Variants in SGCE observed in about 807,000 individuals in gnomAD.
SGCE encodes sarcoglycan epsilon, also known as epsilon-sarcoglycan.
Under a neutral mutation model 57.8 loss-of-function variants are expected in SGCE, and 26 were observed. The ratio of observed to expected loss-of-function variants is 0.45; its 90% CI spans 0.33 to 0.62. The LOEUF (loss-of-function observed/expected upper bound fraction) is 0.62, where lower values mean the gene tolerates loss of function less well. Among genes scored for constraint, SGCE ranks in the 20% least tolerant of loss-of-function variants. The pLI is 0.02. For missense variants in SGCE, 468 were observed against 548.6 expected, an observed-to-expected ratio of 0.85 and a Z score of 1.47; for synonymous variants, 183 against 189.5, an observed-to-expected ratio of 0.97 and a Z score of 0.28.
At chr7:94,610,513 A>G (rs1394007523) in intron 5 of SGCE, among the ~76,000 whole-genome samples, 1 of 152,194 alleles carries the variant, frequency 6.6e-6, no homozygotes, top group African/African-American at 2.4e-5. Context: ...AAAATAGTAT[A>G]CGCACAAAAA....
chr7:94,615,381 GATA>G (rs2116853588), intron 5 of SGCE, among the ~76,000 whole-genome samples: 2 of 135,926 alleles, frequency 1.5e-5, no homozygotes, highest in South Asian at 5.0e-4. Flanking sequence ...TAGATAGATA[GATA>G]GATAGATAGA....
chr7:94,605,572 A>G (rs1472995816), intron 5 of SGCE, among the ~76,000 whole-genome samples: 1 of 152,108 alleles, frequency 6.6e-6, no homozygotes, highest in Non-Finnish European at 1.5e-5. Flanking sequence ...AGATACCTGC[A>G]ATACCTAGGA....
At chr7:94,632,898 G>C (rs1322105361) in intron 1 of SGCE, among the ~76,000 whole-genome samples, 1 of 152,056 alleles carries the variant, frequency 6.6e-6, no homozygotes, top group African/African-American at 2.4e-5. Flanking sequence ...AACACCTACA[G>C]AGGCTATTAC....
At chr7:94,640,197 T>C (rs1806179201) in intron 1 of SGCE, among the ~76,000 whole-genome samples, 1 of 152,192 alleles carries the variant, frequency 6.6e-6, no homozygotes, top group Non-Finnish European at 1.5e-5. Flanking sequence ...TCAGGATATG[T>C]TAAACTTAGG....
At chr7:94,625,210 CTT>C (rs1245304464) in intron 3 of SGCE, 3 of 151,770 alleles carry the variant, frequency 2.0e-5, no homozygotes, top group South Asian at 2.1e-4. Flanking sequence ...AATTAGTAGA[CTT>C]ATATGATTAA....
At chr7:94,587,678 C>T (rs767828846) in intron 10 of SGCE, 33 of 1,525,462 alleles carry the variant, frequency 2.2e-5, no homozygotes, top group Non-Finnish European at 2.9e-5. Flanking sequence ...CTTGTTGAAA[C>T]ATGTTAGCAT....
rs1298415391 is a variant in SGCE at position 94,599,726 on chromosome 7, A to G, written c.1038-3T>C. On this transcript the variant is annotated splice_region_variant and splice_polypyrimidine_tract_variant and intron_variant, in intron 7 of 10. Transcript: ENST00000648936. ...GTGTTTGCATGTTTCTCTTTTCCCT[A>G]GAAACAAAACAAAATTTATGAATTA... is the stretch of plus-strand genomic sequence containing the variant. 3.8e-6 allele frequency: 6 copies of G among 1,593,404 alleles called. No individual in the cohort carries two copies. The highest frequency in any genetic ancestry group is 5.2e-6 in the Non-Finnish European group (6 of 1,161,658).
chr7:94,601,443 CAAAAAAA>C (rs71123905), intron 6 of SGCE, among the ~76,000 whole-genome samples: 389 of 89,200 alleles, frequency 4.4e-3, no homozygotes, highest in African/African-American at 4.9e-3. Context: ...ATCCCAGTAT[CAAAAAAA>C]AAAAAAAAAA....
intron 5 of SGCE, among the ~76,000 whole-genome samples, chr7:94,612,653 T>C (rs909204161): frequency 1.3e-5 from 2 of 152,090 alleles, no homozygotes; most frequent in African/African-American, 4.8e-5. Context: ...AAAAGAGAGG[T>C]CTAGAAGTGG....
intron 1 of SGCE, among the ~76,000 whole-genome samples, chr7:94,633,025 G>C (rs1804959657): frequency 6.6e-6 from 1 of 151,956 alleles, no homozygotes; most frequent in African/African-American, 2.4e-5. Context: ...AACACTCTAA[G>C]AATCCACAAC....
intron 1 of SGCE, among the ~76,000 whole-genome samples, chr7:94,653,816 C>A (rs1808213715): frequency 2.0e-5 from 3 of 151,854 alleles, no homozygotes; most frequent in Admixed American, 2.0e-4. Context: ...AAATTCTTCT[C>A]AGTTTTCTGG....
chr7:94,593,665 A>G (rs1021008375), intron 9 of SGCE, among the ~76,000 whole-genome samples: 1 of 151,932 alleles, frequency 6.6e-6, no homozygotes, highest in Non-Finnish European at 1.5e-5. Flanking sequence ...CATTTTCCTC[A>G]GGCAGTTTAA....
intron 1 of SGCE, among the ~76,000 whole-genome samples, chr7:94,631,392 C>T (rs1286576362): frequency 6.6e-6 from 1 of 151,796 alleles, no homozygotes; most frequent in Admixed American, 6.6e-5. Flanking sequence ...CACTGCTTTC[C>T]AGGAGTTCAC....
chr7:94,636,091 G>A (rs542997756), intron 1 of SGCE, among the ~76,000 whole-genome samples: 6 of 152,180 alleles, frequency 3.9e-5, no homozygotes, highest in Admixed American at 1.3e-4. Context: ...CAAAAAAGCA[G>A]AAGAGTTTCT....
intron 5 of SGCE, among the ~76,000 whole-genome samples, chr7:94,606,741 G>T (rs1005596980): frequency 6.6e-6 from 1 of 152,092 alleles, no homozygotes; most frequent in Non-Finnish European, 1.5e-5. Context: ...AAATTTAAAG[G>T]AATGGAAATC....
Position 94,623,306 on chromosome 7 carries a change from A to C in SGCE, c.463+19T>G, listed in dbSNP as rs759488852. On this transcript the variant is annotated intron_variant, in intron 4 of 10. Transcript: ENST00000648936. Reference sequence around the variant, plus strand: ...TACTTCTTATAAATAAGAAATGATCAACATATTTTCATACCTACCTTCTGC... The same window carrying C: ...TACTTCTTATAAATAAGAAATGATCCACATATTTTCATACCTACCTTCTGC... The C allele has an allele frequency of 4.4e-5, 63 of 1,443,588 alleles. No homozygotes were observed. In the Admixed American group the frequency reaches 1.1e-3, roughly 26 times the overall value. The allele number at this position is 1,443,588 out of a possible 1,614,324, so 89.4% of individuals were successfully genotyped here. A position where few individuals can be genotyped will look rare whatever the true frequency, so the allele number is the denominator to read the frequency against.
intron 1 of SGCE, among the ~76,000 whole-genome samples, chr7:94,636,963 G>T (rs1245639182): frequency 2.0e-5 from 3 of 151,460 alleles, no homozygotes; most frequent in Non-Finnish European, 4.4e-5. Flanking sequence ...TACTCAGGAG[G>T]CAGGAGAATC....
intron 4 of SGCE, chr7:94,621,981 G>C (rs1361518841): frequency 2.0e-5 from 3 of 152,162 alleles, no homozygotes; most frequent in Admixed American, 2.0e-4. Context: ...GTCTACAATT[G>C]ATACCGGTAA....
intron 5 of SGCE, 49 bp downstream of exon 5, chr7:94,618,709 C>A (rs771671457): frequency 6.8e-7 from 1 of 1,470,460 alleles, no homozygotes; most frequent in South Asian, 1.1e-5. Context: ...GATAAGATCA[C>A]CGTATTTAAA....
Sources: gnomAD v4.1 joint callset for allele counts (sites outside exome capture counted in the v4.1 genomes callset) on GRCh38, gnomAD v4.1.1 for gene constraint, MANE v1.5 for transcripts, NCBI Gene and HGNC (gene_info 2026-07-23, HGNC 2026-07-21) for gene names.